The following SENP7 variants were observed in gnomAD, a reference collection of about 807,000 sequenced individuals.
SENP7 encodes SUMO specific peptidase 7.
Under a neutral mutation model 141.2 loss-of-function variants are expected in SENP7, and 64 were observed. The observed-to-expected ratio is 0.45, with a 90% confidence interval of 0.37 to 0.56. The LOEUF (loss-of-function observed/expected upper bound fraction) is 0.56. SENP7 is among the 20% of genes least tolerant of loss of function. SENP7 has a pLI of 0.00. For synonymous variants in SENP7, 382 were observed against 426.4 expected, an observed-to-expected ratio of 0.90 and a Z score of 1.28; for missense variants, 1,025 against 1,212.2, an observed-to-expected ratio of 0.85 and a Z score of 2.29.
Position 101,347,956 on chromosome 3 carries a change from G to T in SENP7, c.1753C>A (p.His585Asn), listed in dbSNP as rs201608850. 6.2e-7 allele frequency: 1 copy of T among 1,609,444 alleles called. No individual in the cohort carries two copies. The highest frequency in any genetic ancestry group is 8.5e-7 in the Non-Finnish European group (1 of 1,176,520). ...SKDDNHSKRSHAILFFWVSSD... is the reference protein window; with the variant it reads ...SKDDNHSKRSNAILFFWVSSD... Reference sequence around the variant, plus strand: ...GAGACCCAGAAGAAAAGAATAGCATGACTCCTTTTACTGTGATTATCATCC... The same window carrying T: ...GAGACCCAGAAGAAAAGAATAGCATTACTCCTTTTACTGTGATTATCATCC... Residue 585 changes from histidine (H) to asparagine (N), a missense_variant, in exon 13 of 24, where the codon CAT becomes AAT. His to Asn is a moderately conservative substitution (Grantham distance 68). This residue lies in a region of SENP7 where 228 missense variants were observed against 228.5 expected (regional missense o/e 1.00). Transcript: ENST00000394095.
At chr3:101,487,455 TTTAA>T (rs2064778187) in intron 3 of SENP7, among the ~76,000 whole-genome samples, 1 of 152,194 alleles carries the variant, frequency 6.6e-6, no homozygotes, top group Non-Finnish European at 1.5e-5. Flanking sequence ...GCAGAAGCTC[TTTAA>T]TTAAATTAAG....
intron 1 of SENP7, 25 bp downstream of exon 1, chr3:101,513,066 C>T (rs1319936368): frequency 6.2e-7 from 1 of 1,612,720 alleles, no homozygotes; most frequent in Non-Finnish European, 8.5e-7. Context: ...ACAATATGTT[C>T]AGCCCTTCTC....
chr3:101,369,323 G>A (rs979217798), intron 7 of SENP7, among the ~76,000 whole-genome samples: 4 of 151,990 alleles, frequency 2.6e-5, no homozygotes, highest in Non-Finnish European at 4.4e-5. Context: ...TTCCATTCAC[G>A]GAACGTTCTT....
intron 5 of SENP7, among the ~76,000 whole-genome samples, chr3:101,407,251 T>C (rs2061332049): frequency 6.6e-6 from 1 of 152,084 alleles, no homozygotes; most frequent in South Asian, 2.1e-4. Context: ...TATAAACATA[T>C]ATGCACCTAA....
intron 4 of SENP7, among the ~76,000 whole-genome samples, chr3:101,454,562 G>A (rs1200195592): frequency 6.6e-6 from 1 of 152,032 alleles, no homozygotes; most frequent in Non-Finnish European, 1.5e-5. Context: ...ACAAACACTT[G>A]CAAACACTTG....
At chr3:101,507,773 G>A (rs902958042) in intron 1 of SENP7, among the ~76,000 whole-genome samples, 2 of 151,958 alleles carry the variant, frequency 1.3e-5, no homozygotes, top group East Asian at 1.9e-4. Flanking sequence ...ATTCCTGGCT[G>A]GGCACAGTGG....
At chr3:101,328,198 T>A (rs1486323978) in intron 22 of SENP7, among the ~76,000 whole-genome samples, 3 of 152,132 alleles carry the variant, frequency 2.0e-5, no homozygotes, top group Non-Finnish European at 4.4e-5. Flanking sequence ...TCTAAAGTGG[T>A]ACTTTTGATA....
intron 4 of SENP7, among the ~76,000 whole-genome samples, chr3:101,451,823 C>A (rs1485053254): frequency 6.6e-6 from 1 of 152,192 alleles, no homozygotes; most frequent in Admixed American, 6.5e-5. Context: ...TGCCCTCTCT[C>A]ACCACTCCTA....
At chr3:101,390,827 T>C (rs1196913190) in intron 6 of SENP7, among the ~76,000 whole-genome samples, 1 of 152,174 alleles carries the variant, frequency 6.6e-6, no homozygotes, top group African/African-American at 2.4e-5. Flanking sequence ...TGGAACATTC[T>C]CCAGGATAGA....
chr3:101,380,897 T>C (rs1391355264), intron 6 of SENP7, among the ~76,000 whole-genome samples: 1 of 152,236 alleles, frequency 6.6e-6, no homozygotes, highest in Non-Finnish European at 1.5e-5. Flanking sequence ...AGTAGGTAGA[T>C]CTATTTTTAA....
At position 101,417,683 on chromosome 3, in the gene SENP7, T is replaced by C; in HGVS notation, c.392A>G (p.Gln131Arg). Residue 131 changes from glutamine to arginine, a missense_variant, in exon 5 of 24, where the codon CAA (glutamine) becomes CGA (arginine). This residue lies in a region of SENP7 where 496 missense variants were observed against 503.5 expected (regional missense o/e 0.99). Coordinates refer to ENST00000394095, the MANE Select transcript of SENP7 (RefSeq NM_020654.5). ...AGATGTCGAAGGCAATGAGTCTGAT[T>C]GCACCTTGTTGGCATCACATAAATT... ...DANLCDANKV[Q>R]SDSLPSTSVD... The C allele has an allele frequency of 1.2e-6, 2 of 1,613,982 alleles. No homozygotes were observed. The highest frequency in any genetic ancestry group is 1.7e-6 in the Non-Finnish European group (2 of 1,179,840).
chr3:101,372,293 T>C lies in SENP7; in HGVS notation c.678-167A>G, dbSNP rs540409133. ...ATTGAACTCAGATTTAAGAAATAAGTTATCCTCCCTTTTCTACCTTTAAAT... is the reference window on the plus strand; with the variant it reads ...ATTGAACTCAGATTTAAGAAATAAGCTATCCTCCCTTTTCTACCTTTAAAT... On this transcript the variant is annotated intron_variant, in intron 6 of 23. Coordinates refer to ENST00000394095, the MANE Select transcript of SENP7 (RefSeq NM_020654.5). 2.7e-4 allele frequency among the ~76,000 whole-genome samples: 41 copies of C among 152,274 alleles called. 1 individual carries two copies. In the East Asian group the frequency reaches 7.3e-3, roughly 27 times the overall value.
intron 23 of SENP7, among the ~76,000 whole-genome samples, chr3:101,326,706 T>C (rs1193521801): frequency 2.0e-5 from 3 of 152,194 alleles, no homozygotes; most frequent in South Asian, 2.1e-4. Flanking sequence ...TCTCCAGCTA[T>C]AGTTTTCTGA....
chr3:101,499,403 CT>C (rs1173160672), intron 2 of SENP7, among the ~76,000 whole-genome samples: 11 of 152,146 alleles, frequency 7.2e-5, no homozygotes, highest in Non-Finnish European at 1.5e-4. Flanking sequence ...GAGTCTCGCT[CT>C]GTCACCCAGA....
At position 101,343,964 on chromosome 3, in the gene SENP7, G is replaced by A. The variant is rs753552756; in HGVS notation, c.1838-10C>T. 8.0e-6 allele frequency: 12 copies of A among 1,501,958 alleles called. No homozygotes were observed. In the Admixed American group the frequency reaches 8.8e-5, roughly 11 times the overall value. The allele number at this position is 1,501,958 out of a possible 1,614,324, so 93.0% of individuals were successfully genotyped here. A position where few individuals can be genotyped will look rare whatever the true frequency, so the allele number is the denominator to read the frequency against. ...AATTCACTAGATTTTGCTACAAAAG[G>A]AAAAAATAATTTGTATCAATAGTAT... On this transcript the variant is annotated splice_polypyrimidine_tract_variant and intron_variant, in intron 13 of 23. Transcript: ENST00000394095.
At chr3:101,494,210 T>G (rs781603120) in intron 2 of SENP7, among the ~76,000 whole-genome samples, 1 of 152,240 alleles carries the variant, frequency 6.6e-6, no homozygotes, top group Non-Finnish European at 1.5e-5. Context: ...TATTCTCTTG[T>G]CTGCTGTCTC....
chr3:101,506,400 T>C (rs1181227667), intron 1 of SENP7, among the ~76,000 whole-genome samples: 4 of 151,906 alleles, frequency 2.6e-5, no homozygotes, highest in Admixed American at 2.6e-4. Flanking sequence ...TTAATCCTTA[T>C]ATCATGAAAT....
At chr3:101,344,040 A>G (rs2059392833) in intron 13 of SENP7, 86 bp from the exon 14 acceptor site, 1 of 939,382 alleles carries the variant, frequency 1.1e-6, no homozygotes, top group Non-Finnish European at 1.5e-6. Context: ...AATAATAGTA[A>G]GGTTGGAATA....
intron 10 of SENP7, chr3:101,363,286 T>C (rs1411316389): frequency 1.1e-5 from 2 of 180,914 alleles, no homozygotes; most frequent in East Asian, 1.9e-4. Flanking sequence ...TTTTTAGTGA[T>C]AAAATGAGAA....
Sources: gnomAD v4.1 joint callset for allele counts (sites outside exome capture counted in the v4.1 genomes callset) on GRCh38, gnomAD v4.1.1 for gene constraint, gnomAD v4.1.1 regional missense constraint, MANE v1.5 for transcripts, NCBI Gene and HGNC (gene_info 2026-07-23, HGNC 2026-07-21) for gene names.